CALN1: variants seen among roughly 807,000 people sequenced by gnomAD.
CALN1 encodes the protein calneuron 1.
Under a neutral mutation model 30.6 loss-of-function variants are expected in CALN1, and 17 were observed. The observed-to-expected ratio is 0.56, with a 90% CI of 0.38 to 0.83. The LOEUF is 0.83. CALN1 is among the 40% of genes least tolerant of loss of function. The pLI is 0.00. For synonymous variants in CALN1, 156 were observed against 131.4 expected (o/e 1.19, Z -1.28); for missense variants, 291 against 354.9 (o/e 0.82, Z 1.45).
intron 5 of CALN1, among the ~76,000 whole-genome samples, chr7:71,979,356 G>A (rs1477287093): frequency 6.6e-6 from 1 of 152,128 alleles, no homozygotes; most frequent in East Asian, 1.9e-4. Flanking sequence ...TGGGAGCCCT[G>A]GGCTTGTTTC....
At chr7:72,146,335 G>C (rs1051623826) in intron 3 of CALN1, among the ~76,000 whole-genome samples, 1 of 151,582 alleles carries the variant, frequency 6.6e-6, no homozygotes. Flanking sequence ...ATAACAGACA[G>C]AGAGCCAAAT....
intron 5 of CALN1, among the ~76,000 whole-genome samples, chr7:71,887,496 T>A (rs145658899): frequency 6.6e-6 from 1 of 152,246 alleles, no homozygotes; most frequent in African/African-American, 2.4e-5. Context: ...GGTTTCTCCA[T>A]GTTGGTGGTC....
At chr7:72,267,076 C>A (rs1457621596) in intron 3 of CALN1, among the ~76,000 whole-genome samples, 1 of 152,104 alleles carries the variant, frequency 6.6e-6, no homozygotes, top group East Asian at 1.9e-4. Flanking sequence ...AACTTTGAGC[C>A]ATCAGATAAG....
intron 5 of CALN1, among the ~76,000 whole-genome samples, chr7:71,854,831 T>C (rs1790851111): frequency 6.6e-6 from 1 of 152,234 alleles, no homozygotes; most frequent in Non-Finnish European, 1.5e-5. Context: ...AAAAACTATA[T>C]AATGTGAAGC....
At chr7:72,131,320 T>A (rs918049516) in intron 3 of CALN1, among the ~76,000 whole-genome samples, 8 of 152,216 alleles carry the variant, frequency 5.3e-5, no homozygotes, top group African/African-American at 1.9e-4. Context: ...GTGATGATTC[T>A]GTTTAGTGTC....
Position 72,370,712 on chromosome 7 carries a change from G to C in CALN1, c.119+32539C>G, listed in dbSNP as rs73364914. 3.5e-3 allele frequency among the ~76,000 whole-genome samples: 522 copies of C among 150,508 alleles called. 3 individuals are homozygous for C. The highest frequency in any genetic ancestry group is 0.012 in the African/African-American group (494 of 41,122). On this transcript the variant is annotated intron_variant, in intron 2 of 6. Coordinates refer to ENST00000395275, the MANE Select transcript of CALN1 (RefSeq NM_031468.4). ...GGCAATTGACAAATTTTTTTTCTGA[G>C]TTCATGGCTTTTCTTTTCATTCTCT...
chr7:71,842,848 C>T lies in CALN1; in HGVS notation c.502-32356G>A, dbSNP rs555809143. On this transcript the variant is annotated intron_variant, in intron 5 of 6. Coordinates refer to ENST00000395275, the MANE Select transcript of CALN1 (RefSeq NM_031468.4). Reference sequence around the variant, plus strand: ...ATCTTCGGGGTTATACCTCCTGTAACTATATTTAGACTGTAACATAACTAC... The same window carrying T: ...ATCTTCGGGGTTATACCTCCTGTAATTATATTTAGACTGTAACATAACTAC... Among the ~76,000 whole-genome samples, 10 of 152,290 alleles carry T rather than the reference C, an allele frequency of 6.6e-5. No homozygotes were observed. In the East Asian group the frequency reaches 1.9e-3, roughly 29 times the overall value.
At chr7:72,099,159 G>C (rs1216313912) in intron 4 of CALN1, among the ~76,000 whole-genome samples, 2 of 152,014 alleles carry the variant, frequency 1.3e-5, no homozygotes, top group Admixed American at 1.3e-4. Flanking sequence ...ATCACAGCCA[G>C]ATGGGACGGA....
At chr7:71,965,957 C>T (rs1254408274) in intron 5 of CALN1, among the ~76,000 whole-genome samples, 1 of 152,156 alleles carries the variant, frequency 6.6e-6, no homozygotes, top group Non-Finnish European at 1.5e-5. Context: ...TGGAGTTTTG[C>T]AAAACCATCA....
chr7:72,417,269 T>G (rs1277663676), upstream of CALN1, among the ~76,000 whole-genome samples: 5 of 152,202 alleles, frequency 3.3e-5, no homozygotes, highest in Non-Finnish European at 5.9e-5. Context: ...CCCTGCGGTC[T>G]CTGGCCATCA....
At chr7:72,068,742 C>T (rs1043217300) in intron 4 of CALN1, among the ~76,000 whole-genome samples, 1 of 152,144 alleles carries the variant, frequency 6.6e-6, no homozygotes. Context: ...CTGCCTGCCT[C>T]GGCCTCCCAA....
At chr7:72,203,187 G>T (rs570987595) in intron 3 of CALN1, among the ~76,000 whole-genome samples, 1 of 152,032 alleles carries the variant, frequency 6.6e-6, no homozygotes, top group Admixed American at 6.6e-5. Context: ...GGCCTGTCGG[G>T]GGGTGAGGGC....
chr7:72,008,674 T>C (rs1189764149), intron 5 of CALN1, among the ~76,000 whole-genome samples: 15 of 151,714 alleles, frequency 9.9e-5, no homozygotes, highest in Non-Finnish European at 2.2e-4. Flanking sequence ...TTTTTTTTTT[T>C]TGAGACAGTT....
chr7:71,978,725 G>C (rs1202248107), intron 5 of CALN1, among the ~76,000 whole-genome samples: 2 of 152,146 alleles, frequency 1.3e-5, no homozygotes, highest in African/African-American at 4.8e-5. Context: ...TCCCTGAATT[G>C]ACTGCAGTTT....
rs576135249 is a variant in CALN1, at chr7:72,273,940, A to G, written c.244+4746T>C. Among the ~76,000 whole-genome samples the G allele has an allele frequency of 2.0e-5, 3 of 152,318 alleles. No individual in the cohort carries two copies. In the East Asian group the frequency reaches 5.8e-4, roughly 29 times the overall value. On this transcript the variant is annotated intron_variant, in intron 3 of 6. Coordinates refer to ENST00000395275, the MANE Select transcript of CALN1 (RefSeq NM_031468.4). Reference sequence around the variant, plus strand: ...ATTATACAAAAAAAAAGTTTCATGCAAAAGAAAGTTACCATCATCTGGAAG... The same window carrying G: ...ATTATACAAAAAAAAAGTTTCATGCGAAAGAAAGTTACCATCATCTGGAAG...
chr7:71,926,163 T>C (rs1385757776), intron 5 of CALN1, among the ~76,000 whole-genome samples: 2 of 152,056 alleles, frequency 1.3e-5, no homozygotes, highest in African/African-American at 2.4e-5. Context: ...CTAAGCAAGC[T>C]TCCTCCTCTC....
At chr7:72,044,064 G>A (rs1316977569) in intron 4 of CALN1, among the ~76,000 whole-genome samples, 1 of 150,700 alleles carries the variant, frequency 6.6e-6, no homozygotes, top group African/African-American at 2.4e-5. Flanking sequence ...ACCTCCCACC[G>A]GGTCCCTCCC....
At chr7:71,890,652 A>G (rs111384249) in intron 5 of CALN1, among the ~76,000 whole-genome samples, 5,095 of 152,152 alleles carry the variant, frequency 0.033, 265 homozygotes, top group African/African-American at 0.11. Context: ...ATCTCTTTCC[A>G]ATATCTTTCC....
chr7:71,892,850 C>A (rs1793322317), intron 5 of CALN1, among the ~76,000 whole-genome samples: 1 of 152,030 alleles, frequency 6.6e-6, no homozygotes, highest in African/African-American at 2.4e-5. Context: ...AACAAAACAG[C>A]TAACTCTCTA....
Sources: gnomAD v4.1 joint callset for allele counts (sites outside exome capture counted in the v4.1 genomes callset) on GRCh38, gnomAD v4.1.1 for gene constraint, MANE v1.5 for transcripts, NCBI Gene and HGNC (gene_info 2026-07-23, HGNC 2026-07-21) for gene names.